The following AWAT1 variants were observed in gnomAD, a reference collection of about 807,000 sequenced individuals.
The protein encoded by AWAT1 is diacyl-glycerol acyltransferase 2.
Under a neutral mutation model 21.6 loss-of-function variants are expected in AWAT1, and 26 were observed. The observed-to-expected ratio is 1.20, with a 90% CI of 0.88 to 1.67. AWAT1 has a LOEUF of 1.67. Ranked by LOEUF, AWAT1 falls within the 40% of genes most tolerant of loss-of-function variation. The pLI is 0.00. For missense variants in AWAT1, 264 were observed against 249.4 expected, an observed-to-expected ratio of 1.06 and a Z score of -0.39; for synonymous variants, 102 against 99.3, an observed-to-expected ratio of 1.03 and a Z score of -0.16.
chrX:70,238,318 G>T lies in AWAT1; in HGVS notation c.567G>T (p.Val189=). 8.3e-7 allele frequency: 1 copy of T among 1,210,067 alleles called. No homozygotes were observed. ...GTGTGGGTGAGGCCCTGCAAAGTGTGCCCAACACCACCACCCTCATCCTCC... is the reference window on the plus strand; with the variant it reads ...GTGTGGGTGAGGCCCTGCAAAGTGTTCCCAACACCACCACCCTCATCCTCC... The part of the protein sequence containing the change: ...VGGVGEALQS[V]PNTTTLILQK... Residue 189 remains valine (V), a synonymous_variant, in exon 5 of 7, where the codon GTG becomes GTT. Coordinates refer to ENST00000374521, the MANE Select transcript of AWAT1 (RefSeq NM_001013579.3).
intron 4 of AWAT1, among the ~76,000 whole-genome samples, chrX:70,237,981 G>T (rs746681450): frequency 9.4e-6 from 1 of 106,949 alleles, no homozygotes; most frequent in South Asian, 4.2e-4. Context: ...TTATCCCACT[G>T]AAAACCTTCC....
chrX:70,238,038 A>T lies in AWAT1; in HGVS notation c.461-174A>T, dbSNP rs138923848. On this transcript the variant is annotated intron_variant, in intron 4 of 6. Coordinates refer to ENST00000374521, the MANE Select transcript of AWAT1 (RefSeq NM_001013579.3). ...TCCTGCAAAGTGAAGATATTGCCTC[A>T]TTGTGAGCTATTCTGTTTGTCAACA... Among the ~76,000 whole-genome samples, 1,007 of 110,148 alleles carry T rather than the reference A, an allele frequency of 9.1e-3. 15 individuals are homozygous for T. Among genetic ancestry groups the T allele is most frequent in the African/African-American group, 0.031 (952 of 30,252 alleles).
intron 5 of AWAT1, 126 bp downstream of exon 5, chrX:70,238,509 G>T: frequency 1.3e-6 from 1 of 747,378 alleles, no homozygotes; most frequent in Non-Finnish European, 1.8e-6. Flanking sequence ...AAGAAAAATG[G>T]GTCATCCAGT....
intron 5 of AWAT1, among the ~76,000 whole-genome samples, chrX:70,239,498 C>T (rs1288394865): frequency 8.9e-6 from 1 of 111,887 alleles, no homozygotes; most frequent in Non-Finnish European, 1.9e-5. Flanking sequence ...ACGCTCCCCG[C>T]CCCCTGGCTA....
intron 4 of AWAT1, among the ~76,000 whole-genome samples, chrX:70,237,630 G>A (rs1435227814): frequency 3.7e-5 from 4 of 108,804 alleles, no homozygotes; most frequent in Admixed American, 3.0e-4. Flanking sequence ...TCAGGAGTTC[G>A]AGACCAGCCT....
At chrX:70,240,039 C>G in intron 6 of AWAT1, 97 bp from the exon 7 acceptor site, 3 of 1,139,551 alleles carry the variant, frequency 2.6e-6, no homozygotes, top group Non-Finnish European at 3.6e-6. Context: ...GGGAGCTGAT[C>G]TGGGATGCGA....
chrX:70,240,093 G>A (rs1015708121), intron 6 of AWAT1, 43 bp from the exon 7 acceptor site: 2 of 1,193,255 alleles, frequency 1.7e-6, no homozygotes, highest in South Asian at 3.7e-5. Context: ...GGAAGAGGAG[G>A]TCCTAACACT....
At chrX:70,235,982 C>A in intron 2 of AWAT1, 87 bp from the exon 3 acceptor site, 3 of 952,108 alleles carry the variant, frequency 3.2e-6, no homozygotes, top group Admixed American at 2.2e-5. Context: ...ACCTCTCTAG[C>A]AGAGCCATGC....
chrX:70,235,990 T>C (rs1314256318), intron 2 of AWAT1, 79 bp from the exon 3 acceptor site: 3 of 970,273 alleles, frequency 3.1e-6, no homozygotes, highest in Non-Finnish European at 2.9e-6. Context: ...AGCAGAGCCA[T>C]GCTAGGGAAT....
chrX:70,239,542 CA>C (rs1054725390), intron 5 of AWAT1, among the ~76,000 whole-genome samples, 192 bp from the exon 6 acceptor site: 1 of 111,848 alleles, frequency 8.9e-6, no homozygotes, highest in Admixed American at 9.4e-5. Flanking sequence ...CCAGAGAGAG[CA>C]ATCTCACTGG....
At position 70,237,121 on chromosome X, in the gene AWAT1, C is replaced by T. The variant is rs755141374; in HGVS notation, c.333C>T (p.Gly111=). The T allele has an allele frequency of 9.1e-6, 11 of 1,204,772 alleles. No homozygotes were observed. Among genetic ancestry groups the T allele is most frequent in the East Asian group, 6.0e-5 (2 of 33,550 alleles). ...ACCCCCATGGCCTCCTGACCTTTGG[C>T]GCCTTCTGCAACTTCTGCACTGAGG... The part of the protein sequence containing the change: ...GVHPHGLLTF[G]AFCNFCTEAT... Residue 111 remains glycine, a synonymous_variant, in exon 4 of 7, where the codon GGC becomes GGT. Coordinates refer to ENST00000374521, the MANE Select transcript of AWAT1 (RefSeq NM_001013579.3).
chrX:70,236,716 C>T (rs2085515956), intron 3 of AWAT1, among the ~76,000 whole-genome samples: 1 of 111,522 alleles, frequency 9.0e-6, no homozygotes, highest in African/African-American at 3.3e-5. Flanking sequence ...ATACAACAAA[C>T]ACCACCCCGA....
chrX:70,238,028 A>G (rs2085522217), intron 4 of AWAT1, among the ~76,000 whole-genome samples, 184 bp from the exon 5 acceptor site: 1 of 109,911 alleles, frequency 9.1e-6, no homozygotes, highest in South Asian at 4.0e-4. Context: ...CAAAGTGAAG[A>G]TATTGCCTCA....
At chrX:70,236,203 T>G in intron 3 of AWAT1, 64 bp downstream of exon 3, 1 of 885,883 alleles carries the variant, frequency 1.1e-6, no homozygotes, top group Non-Finnish European at 1.7e-6. Flanking sequence ...TTATACCACA[T>G]GACTAGAGTT....
chrX:70,239,745 G>A lies in AWAT1; in HGVS notation c.643G>A (p.Val215Ile). ...RTALQHGAHL[V>I]PTFTFGETEV... ...GGAGTTTTCCTACAGGGCTCATCTG[G>A]TCCCCACCTTCACTTTTGGGGAAAC... The change falls in exon 6 of 7, where the codon GTC (valine) becomes ATC (isoleucine). Residue 215 changes from valine to isoleucine, a missense_variant. Physicochemically the swap from Val to Ile is conservative, Grantham distance 29. Coordinates refer to ENST00000374521, the MANE Select transcript of AWAT1 (RefSeq NM_001013579.3). 1.7e-6 allele frequency: 2 copies of A among 1,210,219 alleles called. No individual in the cohort carries two copies. The highest frequency in any genetic ancestry group is 2.2e-6 in the Non-Finnish European group (2 of 894,004).
In AWAT1 at chrX:70,240,211, T is replaced by C; in HGVS notation, c.908T>C (p.Met303Thr). The C allele has an allele frequency of 2.5e-6, 3 of 1,211,356 alleles. No individual in the cohort carries two copies. In the South Asian group the frequency reaches 5.3e-5, roughly 21 times the overall value. ...GTGGACAAATACCATGCACTTTATA[T>C]GGATGCTCTGCACAAACTGTTCGAC... ...EMVDKYHALY[M>T]DALHKLFDQH... The change falls in exon 7 of 7, where the codon ATG becomes ACG. Residue 303 changes from methionine to threonine, a missense_variant. Transcript: ENST00000374521.
In AWAT1 at chrX:70,237,039, T is replaced by C; in HGVS notation, c.256-5T>C. ...CACCTCTGGCATTTCTCTCCATGGC[T>C]GCAGATCCTGAAGACAAAGGACCTA... On this transcript the variant is annotated splice_polypyrimidine_tract_variant and splice_region_variant and intron_variant, in intron 3 of 6. Transcript: ENST00000374521. 1 of 1,198,984 alleles carries C rather than the reference T, an allele frequency of 8.3e-7. No homozygotes were observed. The highest frequency in any genetic ancestry group is 1.1e-6 in the Non-Finnish European group (1 of 887,003).
rs1441794460 is a variant in AWAT1, at chrX:70,239,753, C to A, written c.651C>A (p.Thr217=). 3.3e-6 allele frequency: 4 copies of A among 1,211,085 alleles called. No individual in the cohort carries two copies. In the South Asian group the frequency reaches 5.3e-5, roughly 16 times the overall value. The change falls in exon 6 of 7, where the codon ACC becomes ACA. Residue 217 remains threonine (T), a synonymous_variant. Transcript: ENST00000374521. ...CCTACAGGGCTCATCTGGTCCCCAC[C>A]TTCACTTTTGGGGAAACTGAGGTGT... The part of the protein sequence containing the change: ...ALQHGAHLVP[T]FTFGETEVYD...
chrX:70,240,371 G>A lies in AWAT1; in HGVS notation c.*81G>A. ...ATCTGCCACTAACCAAAGACAGGCAGGAGATGAGGGAGGTTATATGTGGTA... is the reference window on the plus strand; with the variant it reads ...ATCTGCCACTAACCAAAGACAGGCAAGAGATGAGGGAGGTTATATGTGGTA... On this transcript the variant is annotated 3_prime_UTR_variant, in exon 7 of 7. Transcript: ENST00000374521. The A allele has an allele frequency of 9.7e-7, 1 of 1,029,465 alleles. No individual in the cohort carries two copies. Among genetic ancestry groups the A allele is most frequent in the Non-Finnish European group, 1.3e-6 (1 of 750,592 alleles). The allele number at this position is 1,029,465 out of a possible 1,213,427, so 84.8% of individuals were successfully genotyped here.
Sources: gnomAD v4.1 joint callset for allele counts (sites outside exome capture counted in the v4.1 genomes callset) on GRCh38, gnomAD v4.1.1 for gene constraint, MANE v1.5 for transcripts, NCBI Gene and HGNC (gene_info 2026-07-23, HGNC 2026-07-21) for gene names.